The following BANK1 variants were observed in gnomAD, a reference collection of about 807,000 sequenced individuals.
BANK1 encodes the protein B cell scaffold protein with ankyrin repeats 1.
Under a neutral mutation model 94.5 loss-of-function variants are expected in BANK1, and 95 were observed. The ratio of observed to expected loss-of-function variants is 1.00; its 90% CI spans 0.85 to 1.19. The LOEUF is 1.19. Among genes scored for constraint, BANK1 ranks in the 50% most tolerant of loss-of-function variants. BANK1 has a pLI of 0.00. For synonymous variants in BANK1, 334 were observed against 308.4 expected (o/e 1.08, Z -0.87); for missense variants, 987 against 932.2 (o/e 1.06, Z -0.77).
intron 11 of BANK1, among the ~76,000 whole-genome samples, chr4:102,057,338 T>TTC (rs1308052642): frequency 3.4e-5 from 5 of 147,528 alleles, no homozygotes; most frequent in Non-Finnish European, 7.5e-5. Flanking sequence ...CTCTCTCTCT[T>TTC]TCTCTCTCTC....
intron 6 of BANK1, among the ~76,000 whole-genome samples, chr4:101,912,162 T>C (rs996789220): frequency 6.6e-6 from 1 of 152,182 alleles, no homozygotes; most frequent in African/African-American, 2.4e-5. Flanking sequence ...TATGTAGTAA[T>C]GATCCTCAAA....
intron 7 of BANK1, among the ~76,000 whole-genome samples, chr4:101,960,347 A>G (rs1724525544): frequency 6.6e-6 from 1 of 152,112 alleles, no homozygotes; most frequent in African/African-American, 2.4e-5. Flanking sequence ...TTAAAAATTG[A>G]TAACGTAAGA....
chr4:101,987,337 C>G (rs1725546808), intron 7 of BANK1, among the ~76,000 whole-genome samples: 1 of 152,068 alleles, frequency 6.6e-6, no homozygotes, highest in Non-Finnish European at 1.5e-5. Context: ...GACATTAATA[C>G]TATACCCTCA....
intron 7 of BANK1, among the ~76,000 whole-genome samples, chr4:101,922,840 G>T (rs1723040708): frequency 6.6e-6 from 1 of 151,826 alleles, no homozygotes; most frequent in Non-Finnish European, 1.5e-5. Context: ...TTTTGTGCTT[G>T]AAACTACTTG....
chr4:101,944,215 A>G (rs1313305722), intron 7 of BANK1, among the ~76,000 whole-genome samples: 1 of 151,934 alleles, frequency 6.6e-6, no homozygotes, highest in Non-Finnish European at 1.5e-5. Context: ...AAGCTATGTG[A>G]GGAGCATAAA....
At chr4:102,023,251 T>C (rs763862761) in intron 8 of BANK1, among the ~76,000 whole-genome samples, 1 of 152,174 alleles carries the variant, frequency 6.6e-6, no homozygotes, top group Non-Finnish European at 1.5e-5. Flanking sequence ...CTAGCATACT[T>C]TGGCAAAATT....
intron 1 of BANK1, among the ~76,000 whole-genome samples, chr4:101,795,252 G>T (rs1323213893): frequency 3.3e-5 from 5 of 152,078 alleles, no homozygotes; most frequent in Non-Finnish European, 7.4e-5. Context: ...CATATGAAAT[G>T]GGAATCATAC....
intron 1 of BANK1, among the ~76,000 whole-genome samples, chr4:101,800,938 A>G (rs939657777): frequency 6.6e-6 from 1 of 152,134 alleles, no homozygotes; most frequent in Admixed American, 6.5e-5. Flanking sequence ...TTGTATTTTT[A>G]GTAGAGACGG....
chr4:102,043,322 TA>T (rs1336992809), intron 10 of BANK1, among the ~76,000 whole-genome samples: 10 of 152,076 alleles, frequency 6.6e-5, no homozygotes, highest in African/African-American at 2.4e-4. Context: ...GATAATGAAG[TA>T]ATTCGAATAA....
intron 2 of BANK1, among the ~76,000 whole-genome samples, chr4:101,842,613 T>C (rs545777979): frequency 4.6e-5 from 7 of 152,344 alleles, no homozygotes; most frequent in Non-Finnish European, 8.8e-5. Context: ...TTTAGGCTAC[T>C]TGCAGAGAAC....
intron 7 of BANK1, among the ~76,000 whole-genome samples, chr4:101,959,173 G>T (rs1267743126): frequency 6.6e-6 from 1 of 150,876 alleles, no homozygotes; most frequent in Admixed American, 6.6e-5. Context: ...GTCTCACTCT[G>T]TCGCCCAGGC....
intron 7 of BANK1, among the ~76,000 whole-genome samples, chr4:101,946,821 C>T (rs1159187587): frequency 6.6e-6 from 1 of 151,856 alleles, no homozygotes; most frequent in African/African-American, 2.4e-5. Flanking sequence ...AATACCAATC[C>T]CCGCTGAAAT....
intron 7 of BANK1, among the ~76,000 whole-genome samples, chr4:101,954,131 C>T (rs1007560350): frequency 2.6e-5 from 4 of 152,102 alleles, no homozygotes; most frequent in East Asian, 1.9e-4. Flanking sequence ...AATATGTTTT[C>T]CCTGTGTGTA....
intron 2 of BANK1, among the ~76,000 whole-genome samples, chr4:101,838,663 G>A (rs530854265): frequency 9.2e-5 from 14 of 152,232 alleles, no homozygotes; most frequent in African/African-American, 3.4e-4. Context: ...TGCCAAGACA[G>A]TTGGTATCCT....
At chr4:101,860,544 C>T (rs1727832602) in intron 3 of BANK1, among the ~76,000 whole-genome samples, 1 of 152,016 alleles carries the variant, frequency 6.6e-6, no homozygotes, top group South Asian at 2.1e-4. Context: ...AATTTTCTTG[C>T]CTCAGCCTCC....
intron 7 of BANK1, among the ~76,000 whole-genome samples, chr4:101,923,407 G>T (rs1321711747): frequency 6.6e-6 from 1 of 151,660 alleles, no homozygotes; most frequent in Non-Finnish European, 1.5e-5. Flanking sequence ...TACTAAAGCT[G>T]CTCTGTCAAA....
intron 4 of BANK1, among the ~76,000 whole-genome samples, chr4:101,863,646 C>G (rs1250568139): frequency 1.3e-5 from 2 of 152,062 alleles, no homozygotes; most frequent in African/African-American, 4.8e-5. Flanking sequence ...GAAGGAAAAA[C>G]TCCATACTAA....
chr4:101,998,784 T>C (rs1725964752), intron 7 of BANK1, among the ~76,000 whole-genome samples: 1 of 152,194 alleles, frequency 6.6e-6, no homozygotes, highest in Non-Finnish European at 1.5e-5. Flanking sequence ...TTCAATTCTT[T>C]AGCTGTTCTT....
intron 6 of BANK1, among the ~76,000 whole-genome samples, chr4:101,897,988 A>T (rs955446527): frequency 4.4e-4 from 67 of 152,042 alleles, no homozygotes; most frequent in African/African-American, 1.6e-3. Flanking sequence ...AATTAAAAAA[A>T]AACTTAAAGC....
Sources: allele counts gnomAD v4.1 joint callset (sites outside exome capture counted in the v4.1 genomes callset), GRCh38; gene constraint gnomAD v4.1.1; transcripts MANE v1.5; gene names NCBI Gene and HGNC (gene_info 2026-07-23, HGNC 2026-07-21).